Variants in EFR3B observed in about 807,000 individuals in gnomAD.
EFR3B encodes EFR3 homolog B.
EFR3B carries 64 observed loss-of-function variants against 104.7 expected under a neutral mutation model. The observed-to-expected ratio is 0.61, with a 90% CI of 0.50 to 0.75. EFR3B has a LOEUF of 0.75. Among genes scored for constraint, EFR3B ranks in the 30% least tolerant of loss-of-function variants. The probability of loss-of-function intolerance (pLI) is 0.00; values close to 1 mark genes in which losing one functional copy is unlikely to be tolerated. For synonymous variants in EFR3B, 385 were observed against 417.9 expected, an observed-to-expected ratio of 0.92 and a Z score of 0.96; for missense variants, 750 against 1,078.5, an observed-to-expected ratio of 0.70 and a Z score of 4.27.
At chr2:25,123,810 A>G (rs901635202) in intron 5 of EFR3B, among the ~76,000 whole-genome samples, 1 of 152,270 alleles carries the variant, frequency 6.6e-6, no homozygotes, top group South Asian at 2.1e-4. Flanking sequence ...ACACACGCAC[A>G]CATGCACACA....
intron 3 of EFR3B, among the ~76,000 whole-genome samples, chr2:25,099,442 T>C (rs1669371693): frequency 6.6e-6 from 1 of 152,022 alleles, no homozygotes. Context: ...CCTTGATCCA[T>C]ATGTGGGTGG....
chr2:25,067,518 T>C (rs1668372775), intron 1 of EFR3B, among the ~76,000 whole-genome samples: 1 of 151,150 alleles, frequency 6.6e-6, no homozygotes, highest in Non-Finnish European at 1.5e-5. Context: ...CACTGCAACC[T>C]CCGCCTCCTG....
chr2:25,129,859 A>G, intron 6 of EFR3B, 116 bp from the exon 7 acceptor site: 1 of 1,398,050 alleles, frequency 7.2e-7, no homozygotes, highest in Non-Finnish European at 9.6e-7. Flanking sequence ...TGCCTAGTGC[A>G]ACCCATGTCA....
At chr2:25,052,158 T>TG (rs1667888721) in intron 1 of EFR3B, among the ~76,000 whole-genome samples, 1 of 151,816 alleles carries the variant, frequency 6.6e-6, no homozygotes, top group Non-Finnish European at 1.5e-5. Context: ...ATCACACCAT[T>TG]GGGCTCCAGC....
intron 6 of EFR3B, among the ~76,000 whole-genome samples, chr2:25,129,041 T>C (rs919371041): frequency 7.0e-6 from 1 of 143,394 alleles, no homozygotes; most frequent in Admixed American, 7.1e-5. Context: ...ACTTTCCATC[T>C]GGACCTTCCT....
intron 4 of EFR3B, among the ~76,000 whole-genome samples, chr2:25,109,061 C>CA (rs1669647539): frequency 1.3e-5 from 2 of 151,712 alleles, no homozygotes. Flanking sequence ...CCAAAGGACA[C>CA]AATCAGACAG....
intron 1 of EFR3B, among the ~76,000 whole-genome samples, chr2:25,062,738 G>T (rs889533495): frequency 1.3e-5 from 2 of 152,314 alleles, no homozygotes; most frequent in East Asian, 3.9e-4. Flanking sequence ...CAGGGCAGTG[G>T]GGGGAGGCCC....
intron 1 of EFR3B, among the ~76,000 whole-genome samples, chr2:25,085,703 G>T (rs1668930244): frequency 6.6e-6 from 1 of 151,942 alleles, no homozygotes; most frequent in South Asian, 2.1e-4. Context: ...GACCTCAAGT[G>T]ATTTGCCTGC....
Position 25,131,303 on chromosome 2 carries a change from A to G in EFR3B, c.850-65A>G. The G allele has an allele frequency of 6.6e-7, 1 of 1,521,086 alleles. No homozygotes were observed. Among genetic ancestry groups the G allele is most frequent in the Non-Finnish European group, 8.9e-7 (1 of 1,128,806 alleles). The allele number at this position is 1,521,086 out of a possible 1,614,324, so 94.2% of individuals were successfully genotyped here. On this transcript the variant is annotated intron_variant, in intron 8 of 22. Coordinates refer to ENST00000403714, the MANE Select transcript of EFR3B (RefSeq NM_014971.2). The surrounding 1 kb of genome is among the most constrained non-coding windows in gnomAD (Gnocchi z 7.6). Reference sequence around the variant, plus strand: ...TACCCCCGCCTTTGGGTGCCAGGAGAGGGCTGCGCAGCCCAGGGACCCCGT... The same window carrying G: ...TACCCCCGCCTTTGGGTGCCAGGAGGGGGCTGCGCAGCCCAGGGACCCCGT...
chr2:25,085,733 G>A (rs1182525911), intron 1 of EFR3B, among the ~76,000 whole-genome samples: 1 of 151,890 alleles, frequency 6.6e-6, no homozygotes. Flanking sequence ...CCAAAGTGCT[G>A]GGATTACAGG....
At chr2:25,118,767 G>A (rs895002593) in intron 4 of EFR3B, among the ~76,000 whole-genome samples, 22 of 144,794 alleles carry the variant, frequency 1.5e-4, no homozygotes, top group East Asian at 4.0e-4. Flanking sequence ...AAGGCAGGGC[G>A]TGGTGGTTCA....
At chr2:25,097,431 G>T (rs919694404) in intron 3 of EFR3B, among the ~76,000 whole-genome samples, 1 of 152,156 alleles carries the variant, frequency 6.6e-6, no homozygotes, top group East Asian at 1.9e-4. Context: ...CAGGGTGAGA[G>T]GCTGTGTCTC....
Position 25,154,447 on chromosome 2 carries a change from C to G in EFR3B, c.*107C>G, listed in dbSNP as rs1573243990. On this transcript the variant is annotated 3_prime_UTR_variant, in exon 23 of 23. Coordinates refer to ENST00000403714, the MANE Select transcript of EFR3B (RefSeq NM_014971.2). This position sits in a 1 kb window ranked among gnomAD's most constrained non-coding sequence, Gnocchi z 4.1. ...GGCTGTGATCTCTGAGAAAACATCA[C>G]CTTAGATGGCAGCGCCTCCCAGGCT... is the stretch of plus-strand genomic sequence containing the variant. 11 of 1,070,984 alleles carry G rather than the reference C, an allele frequency of 1.0e-5. No individual in the cohort carries two copies. The East Asian group carries it at 2.9e-4, about 28-fold the overall frequency. The allele number at this position is 1,070,984 out of a possible 1,614,324, so 66.3% of individuals were successfully genotyped here. A position where few individuals can be genotyped will look rare whatever the true frequency, so the allele number is the denominator to read the frequency against.
chr2:25,122,423 C>A (rs546442765), intron 5 of EFR3B, among the ~76,000 whole-genome samples: 2 of 152,250 alleles, frequency 1.3e-5, no homozygotes, highest in East Asian at 3.9e-4. Flanking sequence ...GAATTATATG[C>A]ATTTATACTC....
chr2:25,090,689 C>T (rs1218979036), intron 1 of EFR3B, among the ~76,000 whole-genome samples: 1 of 152,148 alleles, frequency 6.6e-6, no homozygotes, highest in African/African-American at 2.4e-5. Context: ...AAAGATGCAT[C>T]GTCAAATGTG....
intron 3 of EFR3B, among the ~76,000 whole-genome samples, chr2:25,099,228 T>C (rs1669365588): frequency 6.6e-6 from 1 of 152,124 alleles, no homozygotes; most frequent in South Asian, 2.1e-4. Flanking sequence ...ACAGTGGACC[T>C]GAAACATGCT....
At chr2:25,084,748 G>A (rs1668903894) in intron 1 of EFR3B, among the ~76,000 whole-genome samples, 1 of 152,186 alleles carries the variant, frequency 6.6e-6, no homozygotes, top group African/African-American at 2.4e-5. Context: ...AAGGCGGAAC[G>A]ACTCAAAGTG....
At chr2:25,075,996 G>A (rs544561665) in intron 1 of EFR3B, among the ~76,000 whole-genome samples, 8 of 152,156 alleles carry the variant, frequency 5.3e-5, no homozygotes, top group South Asian at 2.1e-4. Context: ...AGTCTCAAGC[G>A]ATCCTCCCAC....
intron 4 of EFR3B, among the ~76,000 whole-genome samples, chr2:25,119,279 T>C (rs1055378108): frequency 6.6e-6 from 1 of 152,240 alleles, no homozygotes; most frequent in East Asian, 1.9e-4. Context: ...CACCTCCTAA[T>C]GCAGAGCTAG....
Sources: gnomAD v4.1 joint callset for allele counts (sites outside exome capture counted in the v4.1 genomes callset) on GRCh38, gnomAD v4.1.1 for gene constraint, Gnocchi (gnomAD v3.1) non-coding constraint, MANE v1.5 for transcripts, NCBI Gene and HGNC (gene_info 2026-07-23, HGNC 2026-07-21) for gene names.